FTO: variants seen among roughly 807,000 people sequenced by gnomAD.
FTO encodes the protein alpha-ketoglutarate-dependent dioxygenase FTO.
FTO carries 47 observed loss-of-function variants against 63.9 expected under a neutral mutation model. The ratio of observed to expected loss-of-function variants is 0.74; its 90% CI spans 0.58 to 0.94. The LOEUF is 0.94. Among genes scored for constraint, FTO ranks in the 40% least tolerant of loss-of-function variants. FTO has a pLI of 0.00. For synonymous variants in FTO, 207 were observed against 224.4 expected, an observed-to-expected ratio of 0.92 and a Z score of 0.69; for missense variants, 562 against 618.1, an observed-to-expected ratio of 0.91 and a Z score of 0.96.
At chr16:53,884,458 C>A (rs1474575287) in intron 6 of FTO, among the ~76,000 whole-genome samples, 1 of 152,122 alleles carries the variant, frequency 6.6e-6, no homozygotes, top group East Asian at 1.9e-4. Flanking sequence ...CTTACCATGT[C>A]TTCCTGGTCT....
chr16:54,084,881 C>G (rs975105658), intron 8 of FTO, among the ~76,000 whole-genome samples: 3 of 152,118 alleles, frequency 2.0e-5, no homozygotes, highest in Non-Finnish European at 4.4e-5. Flanking sequence ...TCCTCTGTAC[C>G]CATTCCTGAT....
chr16:53,841,903 G>A (rs1449071128), intron 3 of FTO, among the ~76,000 whole-genome samples: 1 of 152,132 alleles, frequency 6.6e-6, no homozygotes, highest in Non-Finnish European at 1.5e-5. Context: ...TTCTCTAAGA[G>A]TTCTGCTCTA....
At chr16:53,961,668 G>A (rs1352984963) in intron 8 of FTO, among the ~76,000 whole-genome samples, 1 of 152,128 alleles carries the variant, frequency 6.6e-6, no homozygotes, top group Admixed American at 6.6e-5. Flanking sequence ...ATCTGGCCAG[G>A]CATTTATCAG....
At chr16:53,861,391 A>G (rs894464925) in intron 4 of FTO, among the ~76,000 whole-genome samples, 1 of 152,182 alleles carries the variant, frequency 6.6e-6, no homozygotes, top group Non-Finnish European at 1.5e-5. Flanking sequence ...GGGTGAAAAT[A>G]TGCTATTATT....
chr16:53,770,638 T>C (rs1178485116), intron 1 of FTO, among the ~76,000 whole-genome samples: 2 of 152,166 alleles, frequency 1.3e-5, no homozygotes. Context: ...ATTTCCCCTT[T>C]AGATTCCCTT....
intron 7 of FTO, among the ~76,000 whole-genome samples, chr16:53,913,138 T>C (rs926638889): frequency 1.3e-5 from 2 of 152,216 alleles, no homozygotes; most frequent in African/African-American, 4.8e-5. Flanking sequence ...TTTTATAATA[T>C]AGAGATTAGT....
intron 1 of FTO, among the ~76,000 whole-genome samples, chr16:53,777,090 A>G (rs1436351047): frequency 6.6e-6 from 1 of 152,170 alleles, no homozygotes; most frequent in East Asian, 1.9e-4. Flanking sequence ...AAAATCTACT[A>G]TTTTAGCAAA....
At chr16:53,772,703 A>G (rs2077366886) in intron 1 of FTO, among the ~76,000 whole-genome samples, 1 of 152,112 alleles carries the variant, frequency 6.6e-6, no homozygotes, top group Admixed American at 6.6e-5. Flanking sequence ...CAGGAGGAAT[A>G]TTCAGTGTGT....
intron 1 of FTO, among the ~76,000 whole-genome samples, chr16:53,705,700 A>G (rs2075595917): frequency 6.6e-6 from 1 of 152,226 alleles, no homozygotes; most frequent in African/African-American, 2.4e-5. Context: ...TATTAAAGAT[A>G]AGCACAAAGA....
intron 1 of FTO, among the ~76,000 whole-genome samples, chr16:53,750,860 A>T (rs1160699765): frequency 6.6e-6 from 1 of 152,252 alleles, no homozygotes; most frequent in African/African-American, 2.4e-5. Flanking sequence ...CACACAGAAC[A>T]TGGGCAATAT....
chr16:53,720,598 A>G (rs1401522723), intron 1 of FTO, among the ~76,000 whole-genome samples: 1 of 148,394 alleles, frequency 6.7e-6, no homozygotes, highest in Non-Finnish European at 1.5e-5. Flanking sequence ...TGTATTAGGA[A>G]CACAGAAACT....
At chr16:54,054,723 G>T (rs1368063138) in intron 8 of FTO, 1 of 152,134 alleles carries the variant, frequency 6.6e-6, no homozygotes, top group African/African-American at 2.4e-5. Flanking sequence ...TCTGGAAGTG[G>T]CATACAGGAA....
At chr16:54,085,655 AT>A (rs1360129909) in intron 8 of FTO, among the ~76,000 whole-genome samples, 1 of 152,172 alleles carries the variant, frequency 6.6e-6, no homozygotes. Context: ...AGGCAGTGGA[AT>A]TTTCTGTAAG....
intron 1 of FTO, among the ~76,000 whole-genome samples, chr16:53,727,566 C>T (rs1354964664): frequency 6.6e-6 from 1 of 152,120 alleles, no homozygotes. Context: ...CAGCAAAAGC[C>T]ATTTTTTTTC....
Position 54,112,134 on chromosome 16 carries a change from T to C in FTO, c.*219T>C, listed in dbSNP as rs1265686140. On this transcript the variant is annotated 3_prime_UTR_variant, in exon 9 of 9. Transcript: ENST00000471389. ...GATTTGGTGTTAAACAGGACCTTCTTCCCCCAAAATTGTTCAGATTATAAA... is the reference window on the plus strand; with the variant it reads ...GATTTGGTGTTAAACAGGACCTTCTCCCCCCAAAATTGTTCAGATTATAAA... 1.8e-6 allele frequency: 1 copy of C among 570,756 alleles called. No individual in the cohort carries two copies. The highest frequency in any genetic ancestry group is 3.1e-5 in the East Asian group (1 of 32,476). The allele number at this position is 570,756 out of a possible 1,614,324, so 35.4% of individuals were successfully genotyped here. A position where few individuals can be genotyped will look rare whatever the true frequency, so the allele number is the denominator to read the frequency against.
chr16:54,078,875 CA>C (rs1172345138), intron 8 of FTO, among the ~76,000 whole-genome samples: 1 of 151,578 alleles, frequency 6.6e-6, no homozygotes. Flanking sequence ...ACTAAAAATA[CA>C]AAAAATAAAA....
intron 8 of FTO, among the ~76,000 whole-genome samples, chr16:54,080,440 C>T (rs190108995): frequency 3.9e-5 from 6 of 152,232 alleles, no homozygotes; most frequent in African/African-American, 1.2e-4. Flanking sequence ...GAAATGGATA[C>T]TTGTGTCTGC....
chr16:53,704,321 G>A lies in FTO; in HGVS notation c.45+92G>A. 9 of 1,299,454 alleles carry A rather than the reference G, an allele frequency of 6.9e-6. No homozygotes were observed. The South Asian group carries it at 1.1e-4, about 16-fold the overall frequency. 80.5% of individuals were successfully genotyped at this position (1,299,454 alleles called of 1,614,324 possible). On this transcript the variant is annotated intron_variant, in intron 1 of 8. Transcript: ENST00000471389. Reference sequence around the variant, plus strand: ...GCTTGGTTTGATGGCGAGCGGATGCGCGGTGTTAAACTAAGGGATGACAGG... The same window carrying A: ...GCTTGGTTTGATGGCGAGCGGATGCACGGTGTTAAACTAAGGGATGACAGG...
At chr16:53,999,343 C>T (rs1567506987) in intron 8 of FTO, among the ~76,000 whole-genome samples, 2 of 152,270 alleles carry the variant, frequency 1.3e-5, no homozygotes, top group East Asian at 1.9e-4. Context: ...TTCTCTCTTC[C>T]GGAAACCCAG....
Sources: allele counts gnomAD v4.1 joint callset (sites outside exome capture counted in the v4.1 genomes callset), GRCh38; gene constraint gnomAD v4.1.1; transcripts MANE v1.5; gene names NCBI Gene and HGNC (gene_info 2026-07-23, HGNC 2026-07-21).